MNDA: variants seen among roughly 807,000 people sequenced by gnomAD.
MNDA encodes the protein epididymis secretory sperm binding protein.
MNDA carries 43 observed loss-of-function variants against 37.8 expected under a neutral mutation model. The ratio of observed to expected loss-of-function variants is 1.14; its 90% CI spans 0.89 to 1.47. MNDA has a LOEUF of 1.47. Among genes scored for constraint, MNDA ranks in the 40% most tolerant of loss-of-function variants. The pLI, the probability that MNDA is intolerant of heterozygous loss-of-function variation, is 0.00. For synonymous variants in MNDA, 181 were observed against 169.0 expected (o/e 1.07, Z -0.55); for missense variants, 536 against 476.0 (o/e 1.13, Z -1.17).
intron 1 of MNDA, among the ~76,000 whole-genome samples, chr1:158,832,804 A>G (rs949903129): frequency 6.6e-6 from 1 of 151,952 alleles, no homozygotes; most frequent in African/African-American, 2.4e-5. Context: ...CTTTATTTGT[A>G]CTTTGTCAAC....
intron 1 of MNDA, among the ~76,000 whole-genome samples, chr1:158,841,465 T>C (rs1659026836): frequency 6.6e-6 from 1 of 152,106 alleles, no homozygotes; most frequent in Admixed American, 6.5e-5. Context: ...AAAACAAATG[T>C]GCAAAAAATA....
chr1:158,836,421 C>G (rs1034954192), intron 1 of MNDA, among the ~76,000 whole-genome samples: 2 of 151,792 alleles, frequency 1.3e-5, no homozygotes, highest in African/African-American at 2.4e-5. Context: ...AATGACTGTT[C>G]GGATTTTCTA....
intron 5 of MNDA, among the ~76,000 whole-genome samples, chr1:158,846,983 T>G (rs918627331): frequency 9.9e-5 from 15 of 152,228 alleles, no homozygotes; most frequent in African/African-American, 3.4e-4. Context: ...TGAGGAAGGC[T>G]GAGAAAGAAT....
chr1:158,831,640 G>A (rs1388538068), intron 1 of MNDA, 83 bp downstream of exon 1: 1 of 152,178 alleles, frequency 6.6e-6, no homozygotes, highest in Non-Finnish European at 1.5e-5. Context: ...ATAATTGCCT[G>A]AGACCAGAAG....
intron 1 of MNDA, among the ~76,000 whole-genome samples, chr1:158,838,432 G>T (rs1658964463): frequency 6.6e-6 from 1 of 151,970 alleles, no homozygotes; most frequent in East Asian, 1.9e-4. Context: ...CAAAGTATTT[G>T]CTGAAAAATG....
At position 158,845,872 on chromosome 1, in the gene MNDA, G is replaced by A. The variant is rs1056771; in HGVS notation, c.856G>A (p.Val286Met). The A allele has an allele frequency of 8.1e-6, 13 of 1,614,180 alleles. No individual in the cohort carries two copies. In the South Asian group the frequency reaches 1.4e-4, roughly 18 times the overall value. Residue 286 changes from valine (V) to methionine (M), a missense_variant, in exon 5 of 7, where the codon GTG becomes ATG. Coordinates refer to ENST00000368141, the MANE Select transcript of MNDA (RefSeq NM_002432.3). ...AATGGAAATAAAGGAAGCATCATCT[G>A]TGTCTGACTTTAATCAAAATTTTGA... The part of the protein sequence containing the change: ...GVMEIKEASS[V>M]SDFNQNFEVP...
intron 4 of MNDA, 46 bp downstream of exon 4, chr1:158,844,168 A>G (rs746838522): frequency 2.1e-6 from 3 of 1,436,812 alleles, no homozygotes; most frequent in Non-Finnish European, 2.8e-6. Context: ...TAACCCAGTC[A>G]CAGTGCATTC....
chr1:158,845,680 C>T lies in MNDA; in HGVS notation c.664C>T (p.Pro222Ser). ...AGTGGTGGTACTGAAAGCAACAGCG[C>T]CATTTAAATACGAGTCCCCAGAAAA... ...VTVVVLKATAPFKYESPENGK... is the reference protein window; with the variant it reads ...VTVVVLKATASFKYESPENGK... Residue 222 changes from proline to serine, a missense_variant, in exon 5 of 7, where the codon CCA becomes TCA. By Grantham distance (74) the Pro-to-Ser change is moderately conservative. Coordinates refer to ENST00000368141, the MANE Select transcript of MNDA (RefSeq NM_002432.3). 1.2e-6 allele frequency: 2 copies of T among 1,614,124 alleles called. No individual in the cohort carries two copies. The highest frequency in any genetic ancestry group is 1.7e-6 in the Non-Finnish European group (2 of 1,180,012).
chr1:158,845,690 A>G lies in MNDA; in HGVS notation c.674A>G (p.Tyr225Cys). 2.5e-6 allele frequency: 4 copies of G among 1,614,182 alleles called. No individual in the cohort carries two copies. Among genetic ancestry groups the G allele is most frequent in the Non-Finnish European group, 3.4e-6 (4 of 1,180,022 alleles). ...CTGAAAGCAACAGCGCCATTTAAATACGAGTCCCCAGAAAATGGGAAAAGC... is the reference window on the plus strand; with the variant it reads ...CTGAAAGCAACAGCGCCATTTAAATGCGAGTCCCCAGAAAATGGGAAAAGC... The part of the protein sequence containing the change: ...VVLKATAPFK[Y>C]ESPENGKSTM... Residue 225 changes from tyrosine to cysteine, a missense_variant, in exon 5 of 7, where the codon TAC (tyrosine) becomes TGC (cysteine). Transcript: ENST00000368141.
intron 2 of MNDA, 85 bp from the exon 3 acceptor site, chr1:158,843,194 C>A (rs918915478): frequency 6.8e-7 from 1 of 1,474,694 alleles, no homozygotes; most frequent in South Asian, 1.4e-5. Flanking sequence ...GAGCTGACAG[C>A]AGGTAATATT....
At chr1:158,842,100 A>C in intron 1 of MNDA, 34 bp from the exon 2 acceptor site, 1 of 1,524,200 alleles carries the variant, frequency 6.6e-7, no homozygotes, top group Middle Eastern at 2.4e-4. Flanking sequence ...GTCTGCATAA[A>C]TGTGTAATGT....
chr1:158,832,578 A>G (rs1195133014), intron 1 of MNDA, among the ~76,000 whole-genome samples: 2 of 151,214 alleles, frequency 1.3e-5, no homozygotes, highest in African/African-American at 4.8e-5. Context: ...ATGCTACTTT[A>G]TAAAGTAATA....
Position 158,842,669 on chromosome 1 carries a change from G to A in MNDA, c.265+251G>A, listed in dbSNP as rs1659054253. The A allele has an allele frequency of 1.3e-5, 4 of 317,598 alleles. No homozygotes were observed. The East Asian group carries it at 2.1e-4, about 16-fold the overall frequency. The allele number at this position is 317,598 out of a possible 1,614,324, so 19.7% of individuals were successfully genotyped here. A position where few individuals can be genotyped will look rare whatever the true frequency, so the allele number is the denominator to read the frequency against. On this transcript the variant is annotated intron_variant, in intron 2 of 6. Transcript: ENST00000368141. The stretch of plus-strand genomic sequence containing the variant: ...ACCAAAGACAGGGATTTATGAGACG[G>A]TGAGTGTTTCAGTAAATCAAAAATG...
rs1659163687 is a variant in MNDA at position 158,847,718 on chromosome 1, T to C, written c.988-10T>C. Reference sequence around the variant, plus strand: ...CCTCTCAGAAACAGGATGTTAATCTTCTTTTGCAGAAAAGCGTACACAAGA... The same window carrying C: ...CCTCTCAGAAACAGGATGTTAATCTCCTTTTGCAGAAAAGCGTACACAAGA... On this transcript the variant is annotated splice_polypyrimidine_tract_variant and intron_variant, in intron 5 of 6. Transcript: ENST00000368141. 6.2e-7 allele frequency: 1 copy of C among 1,606,566 alleles called. No individual in the cohort carries two copies. The highest frequency in any genetic ancestry group is 1.3e-5 in the African/African-American group (1 of 74,696).
At chr1:158,848,055 G>C in intron 6 of MNDA, 139 bp downstream of exon 6, 1 of 735,590 alleles carries the variant, frequency 1.4e-6, no homozygotes, top group Non-Finnish European at 2.2e-6. Flanking sequence ...CCTTGCATTT[G>C]TAACTGGAAG....
intron 1 of MNDA, among the ~76,000 whole-genome samples, chr1:158,839,367 C>T (rs550849182): frequency 6.6e-6 from 1 of 152,252 alleles, no homozygotes; most frequent in African/African-American, 2.4e-5. Context: ...TCCCTAAGAG[C>T]CACACCTGCC....
intron 1 of MNDA, among the ~76,000 whole-genome samples, chr1:158,839,613 G>A (rs1449254873): frequency 2.6e-5 from 4 of 152,150 alleles, no homozygotes; most frequent in Non-Finnish European, 4.4e-5. Flanking sequence ...ATGTTGCAAA[G>A]CAGTTCCACA....
intron 1 of MNDA, among the ~76,000 whole-genome samples, chr1:158,838,395 T>C (rs1658963740): frequency 1.3e-5 from 2 of 152,094 alleles, no homozygotes; most frequent in Admixed American, 1.3e-4. Context: ...ACACTTGAAA[T>C]GTATTGTCCC....
intron 1 of MNDA, among the ~76,000 whole-genome samples, chr1:158,834,294 G>A (rs867287549): frequency 4.7e-5 from 7 of 148,686 alleles, no homozygotes; most frequent in African/African-American, 7.5e-5. Context: ...GTGCAGTGGC[G>A]CGATCTCGAC....
Sources: gnomAD v4.1 joint callset for allele counts (sites outside exome capture counted in the v4.1 genomes callset) on GRCh38, gnomAD v4.1.1 for gene constraint, MANE v1.5 for transcripts, NCBI Gene and HGNC (gene_info 2026-07-23, HGNC 2026-07-21) for gene names.